CDH13: variants seen among roughly 807,000 people sequenced by gnomAD.
CDH13 encodes cadherin 13, also known as cadherin-13.
In CDH13, 24 loss-of-function variants were observed where a neutral mutation model predicts 63.8. The observed-to-expected ratio is 0.38, with a 90% CI of 0.27 to 0.53. The LOEUF is 0.53. Ranked by LOEUF, CDH13 falls within the 20% of genes least tolerant of loss-of-function variation. CDH13 has a pLI of 0.85. For synonymous variants in CDH13, 503 were observed against 355.3 expected, an observed-to-expected ratio of 1.42 and a Z score of -4.67; for missense variants, 1,049 against 903.1, an observed-to-expected ratio of 1.16 and a Z score of -2.07.
At position 82,810,175 on chromosome 16, in the gene CDH13, A is replaced by G. The variant is rs146194427; in HGVS notation, c.46-48187A>G. On this transcript the variant is annotated intron_variant, in intron 1 of 13. Transcript: ENST00000567109. Reference sequence around the variant, plus strand: ...CTACTTTCTAAATGAGATGTTATCCAGAGACAACATTTTGAATCTGTAGGC... The same window carrying G: ...CTACTTTCTAAATGAGATGTTATCCGGAGACAACATTTTGAATCTGTAGGC... Among the ~76,000 whole-genome samples the G allele has an allele frequency of 3.6e-3, 551 of 152,364 alleles. 3 individuals are homozygous for G. Among genetic ancestry groups the G allele is most frequent in the African/African-American group, 0.012 (517 of 41,592 alleles).
chr16:83,590,601 G>GT (rs919191445), intron 7 of CDH13, among the ~76,000 whole-genome samples: 13 of 151,812 alleles, frequency 8.6e-5, no homozygotes, highest in African/African-American at 3.1e-4. Flanking sequence ...CGAAATGGAC[G>GT]TAAAAAAAAA....
At chr16:83,032,845 A>G (rs1916494973) in intron 3 of CDH13, among the ~76,000 whole-genome samples, 1 of 152,164 alleles carries the variant, frequency 6.6e-6, no homozygotes, top group Admixed American at 6.5e-5. Flanking sequence ...CCTCAAAGTA[A>G]ATTAAGGAGC....
At chr16:83,661,977 C>T (rs1177107569) in intron 8 of CDH13, among the ~76,000 whole-genome samples, 2 of 152,166 alleles carry the variant, frequency 1.3e-5, no homozygotes, top group Non-Finnish European at 2.9e-5. Context: ...ATGGGACCCA[C>T]AGACAGCTGC....
intron 6 of CDH13, among the ~76,000 whole-genome samples, chr16:83,459,375 A>G (rs1006887167): frequency 2.6e-5 from 4 of 152,242 alleles, no homozygotes; most frequent in African/African-American, 7.2e-5. Context: ...ATGACTATAA[A>G]TAATTGACTC....
At chr16:82,948,536 A>G (rs1402512106) in intron 2 of CDH13, among the ~76,000 whole-genome samples, 1 of 152,190 alleles carries the variant, frequency 6.6e-6, no homozygotes, top group East Asian at 1.9e-4. Context: ...GGAACAATCA[A>G]AAGATCAAAG....
chr16:83,247,092 G>T (rs78276266), intron 5 of CDH13, among the ~76,000 whole-genome samples: 5,421 of 152,310 alleles, frequency 0.036, 124 homozygotes, highest in Middle Eastern at 0.061. Flanking sequence ...CCTCTAAACA[G>T]GAGGGCACTG....
At chr16:83,765,501 C>A (rs1012401229) in intron 11 of CDH13, among the ~76,000 whole-genome samples, 1 of 151,942 alleles carries the variant, frequency 6.6e-6, no homozygotes, top group Admixed American at 6.6e-5. Flanking sequence ...AACTTATTTT[C>A]CACCAGACTT....
intron 2 of CDH13, among the ~76,000 whole-genome samples, chr16:82,956,601 T>G (rs1323895450): frequency 6.6e-6 from 1 of 152,220 alleles, no homozygotes; most frequent in African/African-American, 2.4e-5. Context: ...GTCCATTTTC[T>G]TTAATACAGC....
intron 1 of CDH13, among the ~76,000 whole-genome samples, chr16:82,639,085 G>A (rs1380628459): frequency 6.6e-6 from 1 of 152,128 alleles, no homozygotes; most frequent in Admixed American, 6.5e-5. Flanking sequence ...CTTTATTCCT[G>A]TGCATATTTA....
chr16:83,018,248 C>T (rs1567749304), intron 2 of CDH13, among the ~76,000 whole-genome samples: 1 of 152,124 alleles, frequency 6.6e-6, no homozygotes, highest in Non-Finnish European at 1.5e-5. Flanking sequence ...ACTGACCCTT[C>T]AACATGACAG....
chr16:82,729,513 G>C (rs192068269), intron 1 of CDH13, among the ~76,000 whole-genome samples: 177 of 151,960 alleles, frequency 1.2e-3, no homozygotes, highest in Non-Finnish European at 1.9e-3. Context: ...CTGAGCAGTA[G>C]GTCTCAACAA....
chr16:82,762,140 T>C (rs773737608), intron 1 of CDH13, among the ~76,000 whole-genome samples: 21 of 152,242 alleles, frequency 1.4e-4, no homozygotes, highest in Non-Finnish European at 2.6e-4. Context: ...AGTCCCCTTC[T>C]TTTCCCCCAA....
At chr16:83,709,253 A>T (rs1211044784) in intron 10 of CDH13, among the ~76,000 whole-genome samples, 1 of 152,128 alleles carries the variant, frequency 6.6e-6, no homozygotes, top group Non-Finnish European at 1.5e-5. Flanking sequence ...TTAATTTTAG[A>T]CTCTGACTTG....
chr16:83,384,122 A>C (rs763013718), intron 6 of CDH13, among the ~76,000 whole-genome samples: 25 of 152,314 alleles, frequency 1.6e-4, no homozygotes, highest in Admixed American at 7.8e-4. Flanking sequence ...GTTCAAACTG[A>C]TATCTCCAAT....
chr16:83,163,422 C>G (rs1250390870), intron 4 of CDH13, among the ~76,000 whole-genome samples: 1 of 152,076 alleles, frequency 6.6e-6, no homozygotes, highest in African/African-American at 2.4e-5. Context: ...ATAACAATGG[C>G]TATAATTGTG....
chr16:82,868,466 T>C (rs1336523370), intron 2 of CDH13, among the ~76,000 whole-genome samples: 2 of 152,240 alleles, frequency 1.3e-5, no homozygotes, highest in Admixed American at 1.3e-4. Context: ...AATGAACATA[T>C]GTACACATCA....
intron 2 of CDH13, among the ~76,000 whole-genome samples, chr16:82,865,200 G>A (rs2040084333): frequency 6.6e-6 from 1 of 152,170 alleles, no homozygotes; most frequent in Non-Finnish European, 1.5e-5. Flanking sequence ...GGAGGACAGT[G>A]CAAGCTGTCA....
chr16:83,571,426 T>G (rs1316069600), intron 7 of CDH13, among the ~76,000 whole-genome samples: 3 of 152,180 alleles, frequency 2.0e-5, no homozygotes, highest in Non-Finnish European at 4.4e-5. Flanking sequence ...AAACTGGCCC[T>G]TAAAGCAATA....
chr16:83,139,773 C>G (rs546710170), intron 4 of CDH13, among the ~76,000 whole-genome samples: 2 of 152,062 alleles, frequency 1.3e-5, no homozygotes, highest in African/African-American at 4.8e-5. Context: ...GGAGGCCGAC[C>G]GGGTGGATCA....
Sources: allele counts gnomAD v4.1 joint callset (sites outside exome capture counted in the v4.1 genomes callset), GRCh38; gene constraint gnomAD v4.1.1; transcripts MANE v1.5; gene names NCBI Gene and HGNC (gene_info 2026-07-23, HGNC 2026-07-21).